Variants in DNAH7 observed in about 807,000 individuals in gnomAD.
DNAH7 encodes dynein axonemal heavy chain 7.
A neutral mutation model predicts 444.6 loss-of-function variants in DNAH7; 397 were observed. That is an observed-to-expected ratio of 0.89 (90% CI 0.82 to 0.97). The LOEUF (loss-of-function observed/expected upper bound fraction) is 0.97, where lower values mean the gene tolerates loss of function less well. Among genes scored for constraint, DNAH7 ranks in the 50% least tolerant of loss-of-function variants. The pLI, the probability that DNAH7 is intolerant of heterozygous loss-of-function variation, is 0.00. For missense variants in DNAH7, 4,902 were observed against 4,800.8 expected (o/e 1.02, Z -0.62); for synonymous variants, 1,636 against 1,624.4 (o/e 1.01, Z -0.17).
chr2:196,060,396 A>G (rs2203888), intron 1 of DNAH7, among the ~76,000 whole-genome samples: 25 of 152,186 alleles, frequency 1.6e-4, no homozygotes, highest in African/African-American at 5.8e-4. Context: ...TTCACAGATA[A>G]TCTCTTTTCT....
intron 5 of DNAH7, among the ~76,000 whole-genome samples, chr2:196,029,237 T>C (rs1182213680): frequency 6.9e-6 from 1 of 144,780 alleles, no homozygotes; most frequent in African/African-American, 2.9e-5. Context: ...ATAAAGCATA[T>C]GACCTCAGTA....
intron 22 of DNAH7, among the ~76,000 whole-genome samples, chr2:195,925,390 G>C (rs1688267313): frequency 6.6e-6 from 1 of 152,116 alleles, no homozygotes; most frequent in African/African-American, 2.4e-5. Context: ...AAGACAAAAT[G>C]AATTCTCTGG....
chr2:195,998,857 CTT>C, intron 12 of DNAH7: 1 of 405,310 alleles, frequency 2.5e-6, no homozygotes, highest in South Asian at 7.4e-5. Flanking sequence ...ATAAAGCTGA[CTT>C]TATCTTTTAT....
intron 27 of DNAH7, chr2:195,901,855 CATG>C (rs1314522591): frequency 2.0e-5 from 3 of 151,952 alleles, no homozygotes; most frequent in African/African-American, 7.3e-5. Context: ...AACTTTTTCT[CATG>C]ATATTTAAAA....
chr2:195,911,228 A>C (rs968503559), intron 24 of DNAH7, among the ~76,000 whole-genome samples: 1 of 152,234 alleles, frequency 6.6e-6, no homozygotes, highest in Non-Finnish European at 1.5e-5. Context: ...TTTAAATATA[A>C]AGCAATAGAC....
intron 19 of DNAH7, among the ~76,000 whole-genome samples, chr2:195,941,995 G>A (rs560975156): frequency 2.6e-5 from 4 of 152,092 alleles, no homozygotes; most frequent in Admixed American, 6.6e-5. Flanking sequence ...GCTAATACAC[G>A]TTAGTGACCT....
intron 45 of DNAH7, among the ~76,000 whole-genome samples, chr2:195,854,323 C>T (rs1319481580): frequency 6.6e-6 from 1 of 152,012 alleles, no homozygotes; most frequent in African/African-American, 2.4e-5. Context: ...AAGATAAATT[C>T]AACAATCAAC....
chr2:195,784,856 T>C (rs1040240089), intron 58 of DNAH7, among the ~76,000 whole-genome samples: 4 of 152,148 alleles, frequency 2.6e-5, no homozygotes, highest in Non-Finnish European at 5.9e-5. Context: ...CCATCTTTTA[T>C]ATGCTTATCA....
rs149643286 is a variant in DNAH7, at chr2:195,910,126, A to G, written c.4005T>C (p.Thr1335=). The G allele has an allele frequency of 2.2e-3, 3,535 of 1,613,844 alleles. 73 individuals are homozygous for G. In the African/African-American group the frequency reaches 0.04, roughly 18 times the overall value. Residue 1335 remains threonine, a synonymous_variant, in exon 25 of 65, where the codon ACT becomes ACC. Coordinates refer to ENST00000312428, the MANE Select transcript of DNAH7 (RefSeq NM_018897.3). ...CTTTTGCCAAATCCTTGGTAGTTTC[A>G]GTCTTCCCAGTGCCAGCTGGACCCT... ...APEGPAGTGK[T]ETTKDLAKAV...
chr2:195,772,487 T>C (rs531063411), intron 60 of DNAH7, among the ~76,000 whole-genome samples: 7 of 152,206 alleles, frequency 4.6e-5, no homozygotes, highest in Non-Finnish European at 1.0e-4. Flanking sequence ...CCATTTTTGT[T>C]TTTTATATTT....
intron 52 of DNAH7, among the ~76,000 whole-genome samples, chr2:195,809,237 G>A (rs1696847563): frequency 6.6e-6 from 1 of 152,180 alleles, no homozygotes; most frequent in South Asian, 2.1e-4. Context: ...AATGTGCCAT[G>A]TTTTTGACTA....
intron 47 of DNAH7, among the ~76,000 whole-genome samples, chr2:195,841,099 C>A (rs555023548): frequency 9.9e-5 from 15 of 151,930 alleles, no homozygotes; most frequent in African/African-American, 3.6e-4. Context: ...ACAGAGAACT[C>A]AGCAACAAAC....
intron 61 of DNAH7, among the ~76,000 whole-genome samples, chr2:195,770,468 T>G (rs558390563): frequency 6.6e-6 from 1 of 152,256 alleles, no homozygotes; most frequent in East Asian, 1.9e-4. Flanking sequence ...CCAATCAGCC[T>G]TTCTACTTGT....
chr2:195,876,813 T>C (rs899143183), intron 36 of DNAH7, 114 bp from the exon 37 acceptor site: 3 of 703,008 alleles, frequency 4.3e-6, no homozygotes, highest in Admixed American at 2.8e-5. Context: ...TGTTGTAACA[T>C]TGTACAAATA....
At position 195,864,547 on chromosome 2, in the gene DNAH7, CCTTA is replaced by C; in HGVS notation, c.7104_7107del (p.Lys2369GlyfsTer11). On this transcript the variant is annotated frameshift_variant, in exon 41 of 65. Coordinates refer to ENST00000312428, the MANE Select transcript of DNAH7 (RefSeq NM_018897.3). LOFTEE classifies it high-confidence loss of function. ...TCATGCCATTCAGTAGTATCATACC[CCTTA>C]GAGATTTCAACTTGGAAAACTGAAT... is the stretch of plus-strand genomic sequence containing the variant. 1 of 1,614,116 alleles carries C rather than the reference CCTTA, an allele frequency of 6.2e-7. No homozygotes were observed. The highest frequency in any genetic ancestry group is 8.5e-7 in the Non-Finnish European group (1 of 1,180,028).
At chr2:195,833,664 A>G (rs1023901955) in intron 48 of DNAH7, among the ~76,000 whole-genome samples, 2 of 151,964 alleles carry the variant, frequency 1.3e-5, no homozygotes, top group Non-Finnish European at 2.9e-5. Flanking sequence ...AGCTGTATTG[A>G]AAAATCTTTG....
chr2:195,936,846 T>C (rs372638552), intron 19 of DNAH7, 54 bp from the exon 20 acceptor site: 588 of 1,197,596 alleles, frequency 4.9e-4, no homozygotes, highest in Middle Eastern at 8.8e-4. Flanking sequence ...ACTAACTCTA[T>C]TTATATTCAT....
At chr2:195,793,302 A>G (rs1462256785) in intron 57 of DNAH7, among the ~76,000 whole-genome samples, 1 of 152,230 alleles carries the variant, frequency 6.6e-6, no homozygotes, top group Non-Finnish European at 1.5e-5. Flanking sequence ...AAAAAGTTAA[A>G]ACAAAAATTA....
At chr2:195,849,476 ATTTTG>A (rs887307141) in intron 46 of DNAH7, among the ~76,000 whole-genome samples, 16 of 152,230 alleles carry the variant, frequency 1.1e-4, no homozygotes, top group African/African-American at 3.1e-4. Context: ...TCATCTGGCT[ATTTTG>A]TTTTATTTGG....
Sources: gnomAD v4.1 joint callset for allele counts (sites outside exome capture counted in the v4.1 genomes callset) on GRCh38, gnomAD v4.1.1 for gene constraint, MANE v1.5 for transcripts, NCBI Gene and HGNC (gene_info 2026-07-23, HGNC 2026-07-21) for gene names.